WDR70: variants seen among roughly 807,000 people sequenced by gnomAD.
WDR70 encodes WD repeat-containing protein 70.
WDR70 carries 53 observed loss-of-function variants against 88.6 expected under a neutral mutation model. That is an observed-to-expected ratio of 0.60 (90% confidence interval 0.48 to 0.75). The LOEUF (loss-of-function observed/expected upper bound fraction) is 0.75, where lower values mean the gene tolerates loss of function less well. WDR70 is among the 30% of genes least tolerant of loss of function. The pLI, the probability that WDR70 is intolerant of heterozygous loss-of-function variation, is 0.00. For synonymous variants in WDR70, 280 were observed against 270.0 expected (o/e 1.04, Z -0.36); for missense variants, 610 against 823.2 (o/e 0.74, Z 3.17).
intron 7 of WDR70, among the ~76,000 whole-genome samples, chr5:37,459,384 G>A (rs185044532): frequency 9.5e-4 from 144 of 151,010 alleles, no homozygotes; most frequent in Middle Eastern, 6.8e-3. Context: ...AAATAATGCC[G>A]CATATCTACA....
chr5:37,547,219 TTCCTATGAAAA>T (rs1195854454), intron 9 of WDR70, among the ~76,000 whole-genome samples: 2 of 152,222 alleles, frequency 1.3e-5, no homozygotes, highest in African/African-American at 4.8e-5. Flanking sequence ...GAGAATGCTG[TTCCTATGAAAA>T]TTCATGAATT....
chr5:37,486,073 A>G (rs940698127), intron 8 of WDR70, among the ~76,000 whole-genome samples: 1 of 151,752 alleles, frequency 6.6e-6, no homozygotes, highest in Non-Finnish European at 1.5e-5. Context: ...AAGTTTACAA[A>G]AATGTGACCA....
chr5:37,437,933 C>G lies in WDR70; in HGVS notation c.504C>G (p.His168Gln), dbSNP rs928089870. ...EEEEEEENPV[H>Q]KIPDSHEITL... ...TTTTCTTGTTTCAGAATCCTGTTCA[C>G]AAGATTCCTGACTCGCATGAGATAA... Residue 168 changes from histidine to glutamine, a missense_variant, in exon 6 of 18, where the codon CAC becomes CAG. By Grantham distance (24) the His-to-Gln change is conservative. This residue lies in a region of WDR70 where 203 missense variants were observed against 228.1 expected (regional missense o/e 0.89). Coordinates refer to ENST00000265107, the MANE Select transcript of WDR70 (RefSeq NM_018034.4). 1 of 1,608,198 alleles carries G rather than the reference C, an allele frequency of 6.2e-7. No homozygotes were observed. Among genetic ancestry groups the G allele is most frequent in the Non-Finnish European group, 8.5e-7 (1 of 1,177,030 alleles).
intron 10 of WDR70, among the ~76,000 whole-genome samples, chr5:37,647,615 G>A (rs1377883441): frequency 2.6e-5 from 4 of 152,198 alleles, no homozygotes; most frequent in Non-Finnish European, 4.4e-5. Context: ...CTGTAATGTG[G>A]TGGCTCTCGC....
intron 9 of WDR70, among the ~76,000 whole-genome samples, chr5:37,536,643 T>G (rs1319230770): frequency 6.6e-6 from 1 of 152,142 alleles, no homozygotes; most frequent in African/African-American, 2.4e-5. Flanking sequence ...ATCAAATGGT[T>G]TTTCCTAATA....
intron 17 of WDR70, among the ~76,000 whole-genome samples, chr5:37,731,692 A>G (rs1561095997): frequency 6.6e-6 from 1 of 152,172 alleles, no homozygotes; most frequent in African/African-American, 2.4e-5. Flanking sequence ...GGTGCATGTT[A>G]TTTTAATGGC....
chr5:37,430,499 T>G (rs1750267920), intron 5 of WDR70, among the ~76,000 whole-genome samples: 1 of 152,230 alleles, frequency 6.6e-6, no homozygotes, highest in Non-Finnish European at 1.5e-5. Flanking sequence ...AAAATCGCCC[T>G]GTACTAATGA....
rs543617963 is a variant in WDR70 at position 37,673,542 on chromosome 5, T to G, written c.1093-24113T>G. 2.7e-5 allele frequency among the ~76,000 whole-genome samples: 4 copies of G among 149,864 alleles called. 1 individual carries two copies. In the East Asian group the frequency reaches 8.0e-4, roughly 30 times the overall value. On this transcript the variant is annotated intron_variant, in intron 10 of 17. Coordinates refer to ENST00000265107, the MANE Select transcript of WDR70 (RefSeq NM_018034.4). ...AACAGTGTATAAGCATTCCTTTTTC[T>G]CTGCAACTTCATGAGCGCCTGCTAT...
At position 37,752,620 on chromosome 5, in the gene WDR70, C is replaced by T; in HGVS notation, c.*47C>T. On this transcript the variant is annotated 3_prime_UTR_variant, in exon 18 of 18. Coordinates refer to ENST00000265107, the MANE Select transcript of WDR70 (RefSeq NM_018034.4). ...TTGCATGAGTGGGAGGGGTATGGGACAGGTTTGGGTTTTTTTTTTATGCTC... is the reference window on the plus strand; with the variant it reads ...TTGCATGAGTGGGAGGGGTATGGGATAGGTTTGGGTTTTTTTTTTATGCTC... The T allele has an allele frequency of 7.3e-7, 1 of 1,369,300 alleles. No individual in the cohort carries two copies. Among genetic ancestry groups the T allele is most frequent in the Non-Finnish European group, 1.0e-6 (1 of 985,194 alleles). The allele number at this position is 1,369,300 out of a possible 1,614,324, so 84.8% of individuals were successfully genotyped here.
intron 9 of WDR70, among the ~76,000 whole-genome samples, chr5:37,551,864 C>T (rs372126923): frequency 1.3e-4 from 19 of 144,644 alleles, no homozygotes; most frequent in East Asian, 2.2e-4. Flanking sequence ...CTCTGCCTCC[C>T]GGGTTCAAGT....
chr5:37,738,084 A>T (rs1748357206), intron 17 of WDR70, among the ~76,000 whole-genome samples: 1 of 152,054 alleles, frequency 6.6e-6, no homozygotes, highest in Non-Finnish European at 1.5e-5. Context: ...CTTCACCAAA[A>T]AAAGGAATCA....
At chr5:37,402,944 GTTTTTTT>G (rs5867348) in intron 5 of WDR70, among the ~76,000 whole-genome samples, 1 of 84,372 alleles carries the variant, frequency 1.2e-5, no homozygotes, top group South Asian at 4.8e-4. Flanking sequence ...CCCTCCCTCC[GTTTTTTT>G]TTTTTTTTTT....
chr5:37,410,680 C>G (rs1340334725), intron 5 of WDR70, among the ~76,000 whole-genome samples: 1 of 152,004 alleles, frequency 6.6e-6, no homozygotes, highest in Non-Finnish European at 1.5e-5. Context: ...ATGGTATGTA[C>G]AGAGTACATA....
intron 7 of WDR70, among the ~76,000 whole-genome samples, chr5:37,447,768 C>T (rs1252741653): frequency 6.6e-6 from 1 of 152,094 alleles, no homozygotes; most frequent in East Asian, 1.9e-4. Context: ...AGGGGAACAT[C>T]ACACACCGGG....
intron 7 of WDR70, among the ~76,000 whole-genome samples, chr5:37,468,698 G>A (rs1739235566): frequency 6.6e-6 from 1 of 151,832 alleles, no homozygotes; most frequent in Admixed American, 6.6e-5. Context: ...ACTTATTCCT[G>A]GGTTCTACAT....
intron 9 of WDR70, among the ~76,000 whole-genome samples, chr5:37,578,752 C>T (rs891295828): frequency 6.6e-6 from 1 of 152,058 alleles, no homozygotes; most frequent in South Asian, 2.1e-4. Context: ...GAAAAATGTA[C>T]AGTGTAAAAT....
At chr5:37,493,704 A>C (rs990328841) in intron 8 of WDR70, among the ~76,000 whole-genome samples, 1 of 152,192 alleles carries the variant, frequency 6.6e-6, no homozygotes, top group Non-Finnish European at 1.5e-5. Context: ...GTTACAGAGC[A>C]ATAGAAAACT....
At chr5:37,736,346 A>T (rs1453467004) in intron 17 of WDR70, among the ~76,000 whole-genome samples, 1 of 152,130 alleles carries the variant, frequency 6.6e-6, no homozygotes, top group Non-Finnish European at 1.5e-5. Flanking sequence ...GTGTGTATGT[A>T]TGTGTTAAAA....
At chr5:37,450,617 GA>G (rs1738645851) in intron 7 of WDR70, among the ~76,000 whole-genome samples, 1 of 152,090 alleles carries the variant, frequency 6.6e-6, no homozygotes, top group South Asian at 2.1e-4. Flanking sequence ...AGCAATTTAA[GA>G]ATTGTTAATT....
Sources: allele counts gnomAD v4.1 joint callset (sites outside exome capture counted in the v4.1 genomes callset), GRCh38; gene constraint gnomAD v4.1.1; regional missense constraint gnomAD v4.1.1; transcripts MANE v1.5; gene names NCBI Gene and HGNC (gene_info 2026-07-23, HGNC 2026-07-21).